RBFOX2: variants seen among roughly 807,000 people sequenced by gnomAD.
RBFOX2 encodes RNA binding protein fox-1 homolog 2.
A neutral mutation model predicts 49.1 loss-of-function variants in RBFOX2; 10 were observed. The observed-to-expected ratio is 0.20, with a 90% CI of 0.13 to 0.35. The LOEUF (loss-of-function observed/expected upper bound fraction) is 0.35, where lower values mean the gene tolerates loss of function less well. Ranked by LOEUF, RBFOX2 falls within the 10% of genes least tolerant of loss-of-function variation. The pLI, the probability that RBFOX2 is intolerant of heterozygous loss-of-function variation, is 1.00. For missense variants in RBFOX2, 323 were observed against 486.9 expected (o/e 0.66, Z 3.17); for synonymous variants, 183 against 187.4 (o/e 0.98, Z 0.19).
chr22:35,909,525 ATT>A, intron 1 of RBFOX2, among the ~76,000 whole-genome samples: 1 of 152,250 alleles, frequency 6.6e-6, no homozygotes, highest in African/African-American at 2.4e-5. Context: ...CGCTAGCAAT[ATT>A]TTTCTTCATT....
At chr22:35,976,283 T>C (rs1384658898) in intron 1 of RBFOX2, among the ~76,000 whole-genome samples, 6 of 152,106 alleles carry the variant, frequency 3.9e-5, no homozygotes, top group African/African-American at 1.4e-4. Context: ...ATCCCACCCC[T>C]GAATTTGCTA....
At chr22:35,766,065 G>C (rs1341567291) in intron 5 of RBFOX2, among the ~76,000 whole-genome samples, 1 of 152,118 alleles carries the variant, frequency 6.6e-6, no homozygotes, top group African/African-American at 2.4e-5. Flanking sequence ...TAAGAACAAA[G>C]CTTTTAAGAA....
At chr22:35,978,444 T>C (rs2057302970) in intron 1 of RBFOX2, among the ~76,000 whole-genome samples, 2 of 152,198 alleles carry the variant, frequency 1.3e-5, no homozygotes, top group Non-Finnish European at 1.5e-5. Flanking sequence ...AAGGACACTC[T>C]AGTAGCAATA....
At chr22:35,903,868 C>A (rs778261924) in intron 1 of RBFOX2, among the ~76,000 whole-genome samples, 1 of 152,158 alleles carries the variant, frequency 6.6e-6, no homozygotes, top group Non-Finnish European at 1.5e-5. Context: ...AACACCATCA[C>A]ACAGCAGCCA....
rs2057951214 is a variant in RBFOX2, at chr22:35,990,910, G to T, written c.186+37330C>A. On this transcript the variant is annotated intron_variant, in intron 1 of 13. Transcript: ENST00000438146. The stretch of plus-strand genomic sequence containing the variant: ...GATTTTATGTAAGCATTGGAGAGGG[G>T]AGAGAGAGAACAACAGAATACTAAT... Among the ~76,000 whole-genome samples the T allele has an allele frequency of 2.0e-5, 3 of 152,146 alleles. No homozygotes were observed. In the South Asian group the frequency reaches 6.2e-4, roughly 32 times the overall value.
intron 2 of RBFOX2, among the ~76,000 whole-genome samples, chr22:35,804,687 T>TA (rs909415030): frequency 3.3e-5 from 5 of 151,274 alleles, no homozygotes; most frequent in African/African-American, 1.2e-4. Context: ...ACTGAACACA[T>TA]AAAAAAACAA....
chr22:36,020,607 T>C (rs1267613963), intron 1 of RBFOX2, among the ~76,000 whole-genome samples: 1 of 152,142 alleles, frequency 6.6e-6, no homozygotes, highest in East Asian at 1.9e-4. Context: ...CAGACACTTC[T>C]CAAAAGAAAT....
chr22:35,919,280 G>A (rs2050759650), intron 1 of RBFOX2, among the ~76,000 whole-genome samples: 1 of 152,238 alleles, frequency 6.6e-6, no homozygotes, highest in Admixed American at 6.5e-5. Flanking sequence ...GCTCACGCCT[G>A]TAATTCCAGC....
chr22:35,791,673 A>G (rs1252792997), intron 2 of RBFOX2, among the ~76,000 whole-genome samples: 1 of 152,162 alleles, frequency 6.6e-6, no homozygotes, highest in African/African-American at 2.4e-5. Flanking sequence ...TGTAACTCTC[A>G]TTATTTTACA....
intron 1 of RBFOX2, among the ~76,000 whole-genome samples, chr22:35,955,045 C>A (rs1198961481): frequency 1.3e-5 from 2 of 152,180 alleles, no homozygotes; most frequent in African/African-American, 4.8e-5. Flanking sequence ...AAGCAAAATT[C>A]AGCAAAATCC....
At chr22:35,768,679 C>T (rs1184278436) in intron 4 of RBFOX2, among the ~76,000 whole-genome samples, 1 of 151,938 alleles carries the variant, frequency 6.6e-6, no homozygotes, top group African/African-American at 2.4e-5. Context: ...TTTTTAATGC[C>T]CTACCTTTCT....
chr22:35,763,902 TAGA>T (rs1939874443), intron 6 of RBFOX2, among the ~76,000 whole-genome samples: 1 of 152,196 alleles, frequency 6.6e-6, no homozygotes, highest in Admixed American at 6.5e-5. Flanking sequence ...GAGTCAAACC[TAGA>T]AGGAGAACGT....
intron 1 of RBFOX2, among the ~76,000 whole-genome samples, chr22:35,988,645 G>A (rs761175408): frequency 8.5e-5 from 13 of 152,138 alleles, no homozygotes; most frequent in African/African-American, 1.2e-4. Context: ...ATGCATGAGC[G>A]GGTCAAGGGG....
At chr22:35,998,448 C>G (rs949099765) in intron 1 of RBFOX2, 1 of 152,248 alleles carries the variant, frequency 6.6e-6, no homozygotes, top group Non-Finnish European at 1.5e-5. Context: ...GCGATCTCAG[C>G]TCACCGCAAC....
chr22:35,885,221 C>T (rs1019222042), intron 1 of RBFOX2, among the ~76,000 whole-genome samples: 3 of 152,162 alleles, frequency 2.0e-5, no homozygotes, highest in Non-Finnish European at 4.4e-5. Flanking sequence ...CTTCCCAACA[C>T]GTGCTCTGAC....
intron 1 of RBFOX2, among the ~76,000 whole-genome samples, chr22:35,838,123 C>T (rs1416106044): frequency 6.6e-6 from 1 of 151,912 alleles, no homozygotes; most frequent in Non-Finnish European, 1.5e-5. Context: ...GAGCTGTTAC[C>T]CTCTAATATT....
At chr22:35,778,562 T>C (rs1487958444) in intron 3 of RBFOX2, among the ~76,000 whole-genome samples, 1 of 152,144 alleles carries the variant, frequency 6.6e-6, no homozygotes, top group Non-Finnish European at 1.5e-5. Context: ...CGTAATGCTT[T>C]AGTACACAGC....
At chr22:35,973,660 T>G (rs1234401047) in intron 1 of RBFOX2, among the ~76,000 whole-genome samples, 1 of 152,200 alleles carries the variant, frequency 6.6e-6, no homozygotes, top group African/African-American at 2.4e-5. Flanking sequence ...ACACACAGTA[T>G]CTGCTCTTAT....
upstream of RBFOX2, among the ~76,000 whole-genome samples, chr22:35,963,801 G>A (rs1053084647): frequency 6.6e-6 from 1 of 152,026 alleles, no homozygotes; most frequent in Non-Finnish European, 1.5e-5. Flanking sequence ...GCTGGAGTGC[G>A]GTCGTGCCAT....
Sources: gnomAD v4.1 joint callset for allele counts (sites outside exome capture counted in the v4.1 genomes callset) on GRCh38, gnomAD v4.1.1 for gene constraint, MANE v1.5 for transcripts, NCBI Gene and HGNC (gene_info 2026-07-23, HGNC 2026-07-21) for gene names.